TAF1: variants seen among roughly 807,000 people sequenced by gnomAD.
TAF1 encodes the protein TATA-box binding protein associated factor 1, also known as transcription initiation factor TFIID subunit 1.
TAF1 carries 2 observed loss-of-function variants against 138.5 expected under a neutral mutation model. That is an observed-to-expected ratio of 0.01 (90% CI 0.01 to 0.05). TAF1 has a LOEUF of 0.05. TAF1 is among the 10% of genes least tolerant of loss of function. TAF1 has a pLI of 1.00. For synonymous variants in TAF1, 437 were observed against 503.2 expected (o/e 0.87, Z 1.76); for missense variants, 709 against 1,478.0 (o/e 0.48, Z 8.53).
At chrX:71,529,952 G>T (rs1290846468) in exon 15 of TAF1, 4 of 205,465 alleles carry the variant, frequency 1.9e-5, no homozygotes, top group Non-Finnish European at 3.7e-5. Context: ...ACTCCCATAG[G>T]GTGTGCTCCC....
intron 28 of TAF1, among the ~76,000 whole-genome samples, chrX:71,418,516 T>C (rs2036149113): frequency 8.9e-6 from 1 of 112,699 alleles, no homozygotes; most frequent in Non-Finnish European, 1.9e-5. Context: ...GAATGCTGAA[T>C]TAAATAATAA....
intron 14 of TAF1, 143 bp downstream of exon 14, chrX:71,385,192 T>A (rs2034140892): frequency 4.4e-6 from 2 of 456,874 alleles, no homozygotes; most frequent in African/African-American, 4.8e-5. Flanking sequence ...AATCCAAAAA[T>A]GTTTTAAAGA....
chrX:71,458,658 C>T (rs999110757), intron 35 of TAF1, among the ~76,000 whole-genome samples: 4 of 111,831 alleles, frequency 3.6e-5, no homozygotes, highest in African/African-American at 1.3e-4. Flanking sequence ...GTGACTAGAG[C>T]GACCAACTGC....
chrX:71,367,352 T>C, intron 1 of TAF1, 147 bp from the exon 2 acceptor site: 1 of 637,043 alleles, frequency 1.6e-6, no homozygotes. Context: ...TATATTACAG[T>C]TCTCGAACGT....
At chrX:71,394,347 G>A in intron 22 of TAF1, 102 bp downstream of exon 22, 1 of 971,912 alleles carries the variant, frequency 1.0e-6, no homozygotes. Context: ...GGCAGAAGAT[G>A]TAAGGGATGC....
intron 13 of TAF1, among the ~76,000 whole-genome samples, chrX:71,519,868 C>G (rs1401224011): frequency 1.9e-5 from 2 of 107,670 alleles, no homozygotes; most frequent in African/African-American, 6.7e-5. Flanking sequence ...TGCAGTGGCT[C>G]GATCTAGGCT....
At chrX:71,366,848 A>T (rs2032551218) in intron 1 of TAF1, among the ~76,000 whole-genome samples, 1 of 111,343 alleles carries the variant, frequency 9.0e-6, no homozygotes, top group African/African-American at 3.3e-5. Context: ...CCCCTCTGAC[A>T]TCGCTGCCCT....
At chrX:71,460,504 C>A (rs754089829) in intron 36 of TAF1, 122 bp from the exon 37 acceptor site, 9 of 770,079 alleles carry the variant, frequency 1.2e-5, no homozygotes, top group Non-Finnish European at 1.7e-5. Flanking sequence ...TGAGGAGAGG[C>A]GTATAGGCAA....
At chrX:71,390,401 A>G (rs1602511577) in intron 18 of TAF1, among the ~76,000 whole-genome samples, 1 of 111,770 alleles carries the variant, frequency 8.9e-6, no homozygotes, top group East Asian at 2.8e-4. Flanking sequence ...CTCCTCTGCC[A>G]TTTGACTCTC....
intron 22 of TAF1, among the ~76,000 whole-genome samples, chrX:71,396,935 G>A (rs1271255237): frequency 9.4e-6 from 1 of 106,563 alleles, no homozygotes; most frequent in Non-Finnish European, 1.9e-5. Context: ...TGAGCTGGGA[G>A]GATGGATTGA....
intron 34 of TAF1, among the ~76,000 whole-genome samples, chrX:71,456,368 G>A (rs776115235): frequency 4.3e-4 from 48 of 111,728 alleles, no homozygotes; most frequent in Non-Finnish European, 8.1e-4. Context: ...CCTATGAAGA[G>A]TAGGATTAGA....
chrX:71,433,862 A>G (rs925622552), intron 32 of TAF1, among the ~76,000 whole-genome samples: 17 of 110,198 alleles, frequency 1.5e-4, no homozygotes, highest in Admixed American at 1.5e-3. Flanking sequence ...AGTGGATGAG[A>G]GAATAGGAAA....
In TAF1 at chrX:71,397,311, T is replaced by C. The variant is rs1387475836; in HGVS notation, c.3465T>C (p.Thr1155=). The C allele has an allele frequency of 8.3e-7, 1 of 1,211,582 alleles. No homozygotes were observed. Among genetic ancestry groups the C allele is most frequent in the Non-Finnish European group, 1.1e-6 (1 of 895,545 alleles). ...GAGATGATGACACAGCTTCCGTGAC[T>C]AGCCTTAACTCTTCTGCCACTGGAC... ...NHRDDDTASV[T]SLNSSATGRC... The change falls in exon 23 of 38, where the codon ACT becomes ACC. Residue 1155 remains threonine, a synonymous_variant. Coordinates refer to ENST00000423759, the MANE Select transcript of TAF1 (RefSeq NM_004606.5).
chrX:71,480,550 T>C (rs1036593323), intron 13 of TAF1, among the ~76,000 whole-genome samples: 8 of 112,200 alleles, frequency 7.1e-5, no homozygotes, highest in African/African-American at 1.9e-4. Flanking sequence ...ATAATTCATA[T>C]ATTCATTCAA....
chrX:71,512,409 G>A (rs1157531137), intron 13 of TAF1, among the ~76,000 whole-genome samples: 2 of 112,460 alleles, frequency 1.8e-5, no homozygotes, highest in Non-Finnish European at 1.9e-5. Context: ...CGTTGTGTGA[G>A]TATCTCAGAC....
chrX:71,478,676 G>A (rs1355224926), intron 13 of TAF1, among the ~76,000 whole-genome samples: 4 of 111,741 alleles, frequency 3.6e-5, no homozygotes, highest in African/African-American at 6.5e-5. Flanking sequence ...GTAACATAGG[G>A]AGGTCTATCT....
intron 13 of TAF1, among the ~76,000 whole-genome samples, chrX:71,483,772 CTCTCTCTCTA>C (rs1482291716): frequency 5.3e-5 from 4 of 75,183 alleles, no homozygotes; most frequent in East Asian, 4.4e-4. Flanking sequence ...CTCTCTCTCT[CTCTCTCTCTA>C]TATATATATA....
intron 17 of TAF1, 26 bp downstream of exon 17, chrX:71,388,894 CT>C (rs759688571): frequency 8.6e-7 from 1 of 1,168,554 alleles, no homozygotes; most frequent in East Asian, 3.0e-5. Flanking sequence ...TTAGACACCA[CT>C]TATGCCTGTG....
At chrX:71,381,999 G>C in intron 9 of TAF1, 80 bp downstream of exon 9, 1 of 1,047,334 alleles carries the variant, frequency 9.5e-7, no homozygotes, top group Non-Finnish European at 1.2e-6. Context: ...GAAATCAGAA[G>C]GGTTGGAGAT....
Sources: allele counts gnomAD v4.1 joint callset (sites outside exome capture counted in the v4.1 genomes callset), GRCh38; gene constraint gnomAD v4.1.1; transcripts MANE v1.5; gene names NCBI Gene and HGNC (gene_info 2026-07-23, HGNC 2026-07-21).